The following CTDSP2 variants were observed in gnomAD, a reference collection of about 807,000 sequenced individuals.
CTDSP2 encodes the protein CTD small phosphatase 2.
In CTDSP2, 9 loss-of-function variants were observed where a neutral mutation model predicts 31.6. The observed-to-expected ratio is 0.28, with a 90% CI of 0.17 to 0.50. The LOEUF is 0.50. Ranked by LOEUF, CTDSP2 falls within the 20% of genes least tolerant of loss-of-function variation. The pLI is 0.98. For synonymous variants in CTDSP2, 134 were observed against 134.5 expected (o/e 1.00, Z 0.03); for missense variants, 267 against 348.5 (o/e 0.77, Z 1.86).
intron 1 of CTDSP2, among the ~76,000 whole-genome samples, chr12:57,841,425 T>C (rs1956281928): frequency 6.6e-6 from 1 of 152,256 alleles, no homozygotes; most frequent in Non-Finnish European, 1.5e-5. Flanking sequence ...TGAGAGAATG[T>C]AGCATACAGT....
chr12:57,842,884 T>C (rs1956291354), intron 1 of CTDSP2: 3 of 152,194 alleles, frequency 2.0e-5, no homozygotes, highest in Admixed American at 1.3e-4. Context: ...GTGAACGGTG[T>C]CTGAACAACT....
At chr12:57,839,854 G>C (rs1376668708) in intron 1 of CTDSP2, among the ~76,000 whole-genome samples, 3 of 151,924 alleles carry the variant, frequency 2.0e-5, no homozygotes, top group Non-Finnish European at 4.4e-5. Flanking sequence ...CCTCTTATTG[G>C]AAAGGAAAAG....
chr12:57,832,789 C>CAAAAA (rs1436745002), intron 1 of CTDSP2, among the ~76,000 whole-genome samples: 2 of 13,076 alleles, frequency 1.5e-4, no homozygotes, highest in Non-Finnish European at 3.1e-4. Flanking sequence ...GAGACTCTGG[C>CAAAAA]TAAAAAAAAA....
At chr12:57,842,914 AATT>A (rs1179904453) in intron 1 of CTDSP2, among the ~76,000 whole-genome samples, 1 of 152,232 alleles carries the variant, frequency 6.6e-6, no homozygotes, top group Non-Finnish European at 1.5e-5. Flanking sequence ...AATAAGGCAG[AATT>A]TCTCCCTTAT....
rs751134333 is a variant in CTDSP2 at position 57,823,568 on chromosome 12, T to C, written c.*34A>G. Reference sequence around the variant, plus strand: ...AAAGGCACAGTGTGGGAAAGTCCCCTACTGGGATGGCCGTCGCTTGGAAGC... The same window carrying C: ...AAAGGCACAGTGTGGGAAAGTCCCCCACTGGGATGGCCGTCGCTTGGAAGC... On this transcript the variant is annotated 3_prime_UTR_variant, in exon 8 of 8. Transcript: ENST00000398073. 1 of 1,611,154 alleles carries C rather than the reference T, an allele frequency of 6.2e-7. No individual in the cohort carries two copies. The highest frequency in any genetic ancestry group is 2.2e-5 in the East Asian group (1 of 44,822).
At chr12:57,840,869 G>T (rs1447083362) in intron 1 of CTDSP2, among the ~76,000 whole-genome samples, 1 of 152,074 alleles carries the variant, frequency 6.6e-6, no homozygotes, top group South Asian at 2.1e-4. Flanking sequence ...ATAAAACAGG[G>T]CATACACACT....
chr12:57,829,036 G>A (rs1209344484), intron 2 of CTDSP2, among the ~76,000 whole-genome samples: 1 of 152,218 alleles, frequency 6.6e-6, no homozygotes. Flanking sequence ...AGAAATCTAA[G>A]TTCAAATCCT....
In CTDSP2 at chr12:57,824,466, C is replaced by T. The variant is rs765709831; in HGVS notation, c.412-147G>A. 6 of 692,556 alleles carry T rather than the reference C, an allele frequency of 8.7e-6. 1 individual carries two copies. The highest frequency in any genetic ancestry group is 1.6e-5 in the Non-Finnish European group (6 of 380,620). The allele number at this position is 692,556 out of a possible 1,614,324, so 42.9% of individuals were successfully genotyped here. ...CTACCTGGCTGGAAGCCTGCGGCCCCCTGAGACCCCACAGACCCGGAGAAC... is the reference window on the plus strand; with the variant it reads ...CTACCTGGCTGGAAGCCTGCGGCCCTCTGAGACCCCACAGACCCGGAGAAC... On this transcript the variant is annotated intron_variant, in intron 5 of 7. Transcript: ENST00000398073.
At chr12:57,831,647 G>A (rs1956216501) in intron 1 of CTDSP2, among the ~76,000 whole-genome samples, 1 of 152,190 alleles carries the variant, frequency 6.6e-6, no homozygotes, top group Non-Finnish European at 1.5e-5. Context: ...AGCAGGAGAT[G>A]GGCCCAATGA....
intron 6 of CTDSP2, 34 bp downstream of exon 6, chr12:57,824,193 C>G (rs371776245): frequency 1.2e-6 from 2 of 1,610,600 alleles, no homozygotes; most frequent in Non-Finnish European, 1.7e-6. Flanking sequence ...GCCACCACAC[C>G]CACTCCTGGT....
At chr12:57,831,195 C>T (rs1565846217) in intron 1 of CTDSP2, among the ~76,000 whole-genome samples, 1 of 151,768 alleles carries the variant, frequency 6.6e-6, no homozygotes, top group African/African-American at 2.4e-5. Context: ...GTGGCTCACG[C>T]CTGTAATCCC....
rs139167255 is a variant in CTDSP2, at chr12:57,835,271, T to A, written c.65-5675A>T. On this transcript the variant is annotated intron_variant, in intron 1 of 7. Transcript: ENST00000398073. ...TGAACCCAGAAGGCGGAGGCTGCGG[T>A]GAGCCAAGATCACACCATTGCACTC... 2.8e-3 allele frequency among the ~76,000 whole-genome samples: 409 copies of A among 148,476 alleles called. 18 individuals carry two copies. In the East Asian group the frequency reaches 0.076, roughly 28 times the overall value.
chr12:57,841,787 C>T (rs894063578), intron 1 of CTDSP2, among the ~76,000 whole-genome samples: 4 of 152,060 alleles, frequency 2.6e-5, no homozygotes, highest in African/African-American at 9.7e-5. Context: ...TGGAGGAGGG[C>T]GAACAGAGTA....
At chr12:57,842,552 G>C (rs1387994048) in intron 1 of CTDSP2, 1 of 152,214 alleles carries the variant, frequency 6.6e-6, no homozygotes, top group Non-Finnish European at 1.5e-5. Flanking sequence ...AAACTTTGTT[G>C]CTGATTTATC....
chr12:57,835,160 C>G (rs1294717650), intron 1 of CTDSP2, among the ~76,000 whole-genome samples: 2 of 150,672 alleles, frequency 1.3e-5, no homozygotes, highest in Non-Finnish European at 3.0e-5. Context: ...GAAACCCTGT[C>G]TCTACTAAAA....
At chr12:57,837,553 T>C (rs1956255599) in intron 1 of CTDSP2, among the ~76,000 whole-genome samples, 2 of 151,716 alleles carry the variant, frequency 1.3e-5, no homozygotes, top group Admixed American at 6.6e-5. Flanking sequence ...TAGCAGGGTA[T>C]GGTAGTGAGC....
chr12:57,834,473 C>G (rs890410336), intron 1 of CTDSP2, among the ~76,000 whole-genome samples: 1 of 152,204 alleles, frequency 6.6e-6, no homozygotes, highest in Non-Finnish European at 1.5e-5. Flanking sequence ...AATCCACCCC[C>G]ACCCCTGCCT....
intron 1 of CTDSP2, among the ~76,000 whole-genome samples, chr12:57,843,345 T>C (rs1458951003): frequency 6.6e-6 from 1 of 152,202 alleles, no homozygotes; most frequent in East Asian, 1.9e-4. Context: ...CTTTTTGATG[T>C]TACACACAAT....
intron 1 of CTDSP2, among the ~76,000 whole-genome samples, chr12:57,834,335 C>T (rs915208096): frequency 6.6e-6 from 1 of 152,116 alleles, no homozygotes; most frequent in Non-Finnish European, 1.5e-5. Flanking sequence ...CTCTCTGCCT[C>T]TCTAGGATGA....
Sources: gnomAD v4.1 joint callset for allele counts (sites outside exome capture counted in the v4.1 genomes callset) on GRCh38, gnomAD v4.1.1 for gene constraint, MANE v1.5 for transcripts, NCBI Gene and HGNC (gene_info 2026-07-23, HGNC 2026-07-21) for gene names.